TTLL5: variants seen among roughly 807,000 people sequenced by gnomAD.
TTLL5 encodes the protein tubulin tyrosine ligase like 5.
TTLL5 carries 132 observed loss-of-function variants against 168.4 expected under a neutral mutation model. The ratio of observed to expected loss-of-function variants is 0.78; its 90% CI spans 0.68 to 0.91. The LOEUF (loss-of-function observed/expected upper bound fraction) is 0.91, where lower values mean the gene tolerates loss of function less well. Among genes scored for constraint, TTLL5 ranks in the 40% least tolerant of loss-of-function variants. The pLI is 0.00. For missense variants in TTLL5, 1,545 were observed against 1,581.5 expected (o/e 0.98, Z 0.39); for synonymous variants, 546 against 558.6 (o/e 0.98, Z 0.32).
intron 1 of TTLL5, among the ~76,000 whole-genome samples, 199 bp from the exon 2 acceptor site, chr14:75,662,856 A>G (rs2140073744): frequency 6.6e-6 from 1 of 152,250 alleles, no homozygotes; most frequent in East Asian, 1.9e-4. Context: ...TGTATGTTTG[A>G]AAAAAATCTT....
chr14:75,899,083 A>G (rs892283848), intron 30 of TTLL5, among the ~76,000 whole-genome samples: 6 of 152,208 alleles, frequency 3.9e-5, no homozygotes, highest in African/African-American at 1.4e-4. Context: ...AAATGACAAT[A>G]CTACTACTAG....
chr14:75,723,221 C>T (rs920602613), intron 12 of TTLL5, among the ~76,000 whole-genome samples: 15 of 152,146 alleles, frequency 9.9e-5, no homozygotes, highest in Non-Finnish European at 1.6e-4. Context: ...TCCCGAGTAG[C>T]TAGGACTATA....
At chr14:75,861,698 T>C (rs2030019928) in intron 28 of TTLL5, among the ~76,000 whole-genome samples, 2 of 152,210 alleles carry the variant, frequency 1.3e-5, no homozygotes, top group Admixed American at 1.3e-4. Flanking sequence ...TTCTTCTATG[T>C]ACAATTTTCC....
At position 75,668,243 on chromosome 14, in the gene TTLL5, T is replaced by C. The variant is rs544744083; in HGVS notation, c.75-1173T>C. On this transcript the variant is annotated intron_variant, in intron 2 of 31. Transcript: ENST00000298832. ...TTCCCAAATAATTGAATTCAAGGTA[T>C]CCAATATATACAACTTTGCTGAAAT... Among the ~76,000 whole-genome samples, 45 of 152,316 alleles carry C rather than the reference T, an allele frequency of 3.0e-4. 1 individual carries two copies. The highest frequency in any genetic ancestry group is 3.4e-3 in the Middle Eastern group (1 of 294).
chr14:75,680,367 A>G (rs1317296766), intron 3 of TTLL5, among the ~76,000 whole-genome samples: 3 of 152,156 alleles, frequency 2.0e-5, no homozygotes, highest in Non-Finnish European at 2.9e-5. Flanking sequence ...GATTCTTGCC[A>G]TTGGAGAGAA....
intron 28 of TTLL5, among the ~76,000 whole-genome samples, chr14:75,837,598 A>G (rs577105973): frequency 6.6e-6 from 1 of 151,998 alleles, no homozygotes; most frequent in Admixed American, 6.5e-5. Context: ...ATAACTCTAC[A>G]TTCTTCCCTC....
At chr14:75,719,914 T>C (rs556367001) in intron 11 of TTLL5, 88 bp downstream of exon 11, 1 of 1,365,936 alleles carries the variant, frequency 7.3e-7, no homozygotes, top group South Asian at 1.2e-5. Flanking sequence ...TCTGTTGCTT[T>C]GATAGTGTTG....
intron 28 of TTLL5, among the ~76,000 whole-genome samples, chr14:75,849,122 G>A (rs1896711055): frequency 1.3e-5 from 2 of 152,114 alleles, no homozygotes; most frequent in South Asian, 4.1e-4. Flanking sequence ...TTATGTAATT[G>A]TCACACAGTT....
At chr14:75,680,812 A>C (rs1427287858) in intron 3 of TTLL5, among the ~76,000 whole-genome samples, 1 of 151,818 alleles carries the variant, frequency 6.6e-6, no homozygotes, top group African/African-American at 2.4e-5. Flanking sequence ...TTTTAAGTAG[A>C]GATGGGGTTT....
intron 18 of TTLL5, among the ~76,000 whole-genome samples, chr14:75,754,209 AT>A (rs34676185): frequency 2.6e-5 from 4 of 152,036 alleles, no homozygotes; most frequent in Non-Finnish European, 5.9e-5. Flanking sequence ...TACAAGAACT[AT>A]TTTTGCTTTT....
At chr14:75,708,257 C>T (rs1182309420) in intron 9 of TTLL5, among the ~76,000 whole-genome samples, 1 of 151,162 alleles carries the variant, frequency 6.6e-6, no homozygotes, top group African/African-American at 2.4e-5. Flanking sequence ...ATTTCATGCC[C>T]TCTCATATTT....
At chr14:75,808,978 T>C (rs1162435971) in intron 27 of TTLL5, among the ~76,000 whole-genome samples, 1 of 151,410 alleles carries the variant, frequency 6.6e-6, no homozygotes, top group Non-Finnish European at 1.5e-5. Context: ...ATAAGGAATA[T>C]ATATATATAT....
intron 29 of TTLL5, among the ~76,000 whole-genome samples, chr14:75,877,129 A>G (rs2031537452): frequency 6.6e-6 from 1 of 152,220 alleles, no homozygotes; most frequent in Non-Finnish European, 1.5e-5. Flanking sequence ...AACCTACTCA[A>G]ATAGAGAGTA....
rs1348688599 is a variant in TTLL5 at position 75,793,032 on chromosome 14, C to T, written c.3103C>T (p.Arg1035Trp). The T allele has an allele frequency of 1.2e-5, 19 of 1,613,582 alleles. No individual in the cohort carries two copies. Among genetic ancestry groups the T allele is most frequent in the Non-Finnish European group, 1.5e-5 (18 of 1,179,734 alleles). Reference sequence around the variant, plus strand: ...AAGTATGGTTACAGCTGAACTTCAGCGGCTAGCTGAGAAGCAGGCAGCGAG... The same window carrying T: ...AAGTATGGTTACAGCTGAACTTCAGTGGCTAGCTGAGAAGCAGGCAGCGAG... ...NQSMVTAELQ[R>W]LAEKQAARQY... Residue 1035 changes from arginine to tryptophan, a missense_variant, in exon 27 of 32, where the codon CGG becomes TGG. Arg to Trp is a moderately radical substitution (Grantham distance 101). Transcript: ENST00000298832.
chr14:75,738,218 T>C (rs1251789393), intron 15 of TTLL5, among the ~76,000 whole-genome samples: 3 of 152,246 alleles, frequency 2.0e-5, no homozygotes, highest in Admixed American at 1.3e-4. Context: ...TGCTTTCTTC[T>C]GCACAGATTT....
At chr14:75,708,745 C>A (rs370100596) in intron 9 of TTLL5, among the ~76,000 whole-genome samples, 2 of 152,008 alleles carry the variant, frequency 1.3e-5, no homozygotes, top group Non-Finnish European at 2.9e-5. Context: ...TTTTGTAAAC[C>A]CTTTAAATTG....
chr14:75,707,847 C>A (rs1269293224), intron 9 of TTLL5, 140 bp downstream of exon 9: 2 of 714,376 alleles, frequency 2.8e-6, no homozygotes, highest in Non-Finnish European at 4.7e-6. Context: ...CAATCCACCT[C>A]CTCAACTGCT....
At chr14:75,814,671 A>G (rs1214681869) in intron 27 of TTLL5, 1 of 152,234 alleles carries the variant, frequency 6.6e-6, no homozygotes, top group Non-Finnish European at 1.5e-5. Context: ...AGCTGAAAAG[A>G]AAGACCAGAG....
intron 30 of TTLL5, among the ~76,000 whole-genome samples, chr14:75,897,221 A>T (rs1222068042): frequency 6.6e-6 from 1 of 152,180 alleles, no homozygotes; most frequent in Non-Finnish European, 1.5e-5. Context: ...GATGTGAAGC[A>T]AGTGAGTCAA....
Sources: allele counts gnomAD v4.1 joint callset (sites outside exome capture counted in the v4.1 genomes callset), GRCh38; gene constraint gnomAD v4.1.1; transcripts MANE v1.5; gene names NCBI Gene and HGNC (gene_info 2026-07-23, HGNC 2026-07-21).